ANGPT1: variants seen among roughly 807,000 people sequenced by gnomAD.
ANGPT1 encodes angiopoietin 1, also known as angiopoietin-1.
Under a neutral mutation model 62.2 loss-of-function variants are expected in ANGPT1, and 17 were observed. The observed-to-expected ratio is 0.27, with a 90% CI of 0.19 to 0.41. The LOEUF is 0.41. Among genes scored for constraint, ANGPT1 ranks in the 10% least tolerant of loss-of-function variants. The pLI, the probability that ANGPT1 is intolerant of heterozygous loss-of-function variation, is 1.00. For synonymous variants in ANGPT1, 199 were observed against 198.9 expected (o/e 1.00, Z 0.00); for missense variants, 478 against 594.9 (o/e 0.80, Z 2.04).
At chr8:107,465,733 ATAT>A (rs1348469590) in intron 1 of ANGPT1, among the ~76,000 whole-genome samples, 1 of 152,162 alleles carries the variant, frequency 6.6e-6, no homozygotes, top group African/African-American at 2.4e-5. Flanking sequence ...CCAGATAACC[ATAT>A]TATTCTCTTG....
chr8:107,488,081 G>T (rs563698633), intron 1 of ANGPT1, among the ~76,000 whole-genome samples: 1 of 152,126 alleles, frequency 6.6e-6, no homozygotes, highest in Non-Finnish European at 1.5e-5. Context: ...TTAACCAAGA[G>T]TACTCTATTA....
At chr8:107,426,199 G>A (rs777929546) in intron 1 of ANGPT1, among the ~76,000 whole-genome samples, 12 of 152,034 alleles carry the variant, frequency 7.9e-5, no homozygotes, top group Non-Finnish European at 1.6e-4. Context: ...GGGCCTGTGC[G>A]CGTGAGGGAT....
At chr8:107,373,329 A>T (rs956241247) in intron 1 of ANGPT1, among the ~76,000 whole-genome samples, 13 of 152,056 alleles carry the variant, frequency 8.5e-5, no homozygotes, top group African/African-American at 3.1e-4. Flanking sequence ...AAACATACAA[A>T]TTTTGAAGGA....
At chr8:107,415,085 A>C (rs1810702600) in intron 1 of ANGPT1, among the ~76,000 whole-genome samples, 1 of 152,194 alleles carries the variant, frequency 6.6e-6, no homozygotes, top group Non-Finnish European at 1.5e-5. Context: ...TGATCAAGGA[A>C]TGTGGGTTGC....
chr8:107,371,453 CATA>C (rs1816409643), intron 1 of ANGPT1, among the ~76,000 whole-genome samples: 1 of 152,064 alleles, frequency 6.6e-6, no homozygotes, highest in Non-Finnish European at 1.5e-5. Context: ...CTGAAGCTTA[CATA>C]TGTGTTCTGC....
At position 107,322,034 on chromosome 8, in the gene ANGPT1, T is replaced by C. The variant is rs746537616; in HGVS notation, c.670A>G (p.Thr224Ala). ...TCCTGGATTATATATGTTTGACGAGTAACCAAGCCTTGAAGGTTCTCTTTC... is the reference window on the plus strand; with the variant it reads ...TCCTGGATTATATATGTTTGACGAGCAACCAAGCCTTGAAGGTTCTCTTTC... ...EEKENLQGLV[T>A]RQTYIIQELE... The change falls in exon 4 of 9, where the codon ACT becomes GCT. Residue 224 changes from threonine (T) to alanine (A), a missense_variant. This residue lies in a region of ANGPT1 where 343 missense variants were observed against 355.4 expected (regional missense o/e 0.97). Coordinates refer to ENST00000517746, the MANE Select transcript of ANGPT1 (RefSeq NM_001146.5). 6.2e-7 allele frequency: 1 copy of C among 1,613,958 alleles called. No homozygotes were observed. The highest frequency in any genetic ancestry group is 1.1e-5 in the South Asian group (1 of 91,074).
At chr8:107,441,058 C>G (rs1811462077) in intron 1 of ANGPT1, among the ~76,000 whole-genome samples, 1 of 150,908 alleles carries the variant, frequency 6.6e-6, no homozygotes. Context: ...TATCTTGATA[C>G]TTTAACTACA....
At chr8:107,277,358 T>C (rs1318366069) in intron 7 of ANGPT1, among the ~76,000 whole-genome samples, 2 of 152,298 alleles carry the variant, frequency 1.3e-5, no homozygotes, top group Non-Finnish European at 2.9e-5. Flanking sequence ...TTATATAGTT[T>C]TCTTTTAACA....
chr8:107,258,937 A>C (rs2130011581), intron 8 of ANGPT1, among the ~76,000 whole-genome samples: 1 of 152,322 alleles, frequency 6.6e-6, no homozygotes. Context: ...GTCTCTGCTA[A>C]CATTTACTCA....
rs16876335 is a variant in ANGPT1 at position 107,463,573 on chromosome 8, A to G, written c.297+33689T>C. Among the ~76,000 whole-genome samples the G allele has an allele frequency of 7.3e-3, 1,106 of 152,262 alleles. 20 individuals are homozygous for G. The highest frequency in any genetic ancestry group is 0.025 in the African/African-American group (1,056 of 41,554). On this transcript the variant is annotated intron_variant, in intron 1 of 8. Transcript: ENST00000517746. Reference sequence around the variant, plus strand: ...AACAGTAACACAACAGTCTGTGAGTAAACGTAGAGCAGTGACTTTGTCATT... The same window carrying G: ...AACAGTAACACAACAGTCTGTGAGTGAACGTAGAGCAGTGACTTTGTCATT...
intron 1 of ANGPT1, among the ~76,000 whole-genome samples, chr8:107,367,585 G>T (rs1297518115): frequency 6.6e-6 from 1 of 152,102 alleles, no homozygotes; most frequent in Non-Finnish European, 1.5e-5. Flanking sequence ...ACTCACTCTG[G>T]GGAAAGTTAT....
intron 1 of ANGPT1, among the ~76,000 whole-genome samples, chr8:107,464,538 C>A (rs919742465): frequency 6.6e-5 from 10 of 151,968 alleles, no homozygotes; most frequent in African/African-American, 2.4e-4. Flanking sequence ...ATGATCAAAG[C>A]CTATCCCTGA....
chr8:107,390,967 A>G (rs1403884899), intron 1 of ANGPT1, among the ~76,000 whole-genome samples: 3 of 152,194 alleles, frequency 2.0e-5, no homozygotes, highest in Non-Finnish European at 4.4e-5. Context: ...TAACTCCATT[A>G]TTAAAACTCT....
intron 3 of ANGPT1, among the ~76,000 whole-genome samples, chr8:107,333,110 G>C (rs572779449): frequency 6.6e-6 from 1 of 152,246 alleles, no homozygotes; most frequent in East Asian, 1.9e-4. Context: ...AATAGGGAAA[G>C]TATGCTATGT....
chr8:107,350,390 T>A (rs761534329), intron 1 of ANGPT1, among the ~76,000 whole-genome samples: 2 of 152,100 alleles, frequency 1.3e-5, no homozygotes, highest in Non-Finnish European at 2.9e-5. Context: ...TTCCCAGAGT[T>A]TGATTTGCTC....
chr8:107,294,098 A>G (rs1202767152), intron 5 of ANGPT1, 61 bp from the exon 6 acceptor site: 4 of 1,372,548 alleles, frequency 2.9e-6, no homozygotes, highest in Non-Finnish European at 3.1e-6. Context: ...CATATATCCT[A>G]CATGTTTCAA....
chr8:107,478,654 A>T (rs1321858873), intron 1 of ANGPT1, among the ~76,000 whole-genome samples: 2 of 152,136 alleles, frequency 1.3e-5, no homozygotes, highest in Non-Finnish European at 2.9e-5. Flanking sequence ...AAACTCTTCA[A>T]TTTTTCCATT....
chr8:107,476,273 A>C (rs1285145067), intron 1 of ANGPT1, among the ~76,000 whole-genome samples: 1 of 152,210 alleles, frequency 6.6e-6, no homozygotes, highest in African/African-American at 2.4e-5. Context: ...GGATGAGTTC[A>C]TGTCCTTTGT....
chr8:107,423,302 G>T (rs148829208), intron 1 of ANGPT1, among the ~76,000 whole-genome samples: 12 of 152,316 alleles, frequency 7.9e-5, no homozygotes, highest in African/African-American at 2.9e-4. Flanking sequence ...AAGTGTGCCC[G>T]CATGGTTGCA....
Sources: gnomAD v4.1 joint callset for allele counts (sites outside exome capture counted in the v4.1 genomes callset) on GRCh38, gnomAD v4.1.1 for gene constraint, gnomAD v4.1.1 regional missense constraint, MANE v1.5 for transcripts, NCBI Gene and HGNC (gene_info 2026-07-23, HGNC 2026-07-21) for gene names.